The following DACH2 variants were observed in gnomAD, a reference collection of about 807,000 sequenced individuals.
DACH2 encodes the protein dachshund homolog 2.
DACH2 carries 17 observed loss-of-function variants against 35.8 expected under a neutral mutation model. The ratio of observed to expected loss-of-function variants is 0.48; its 90% CI spans 0.33 to 0.71. DACH2 has a LOEUF of 0.71. Ranked by LOEUF, DACH2 falls within the 30% of genes least tolerant of loss-of-function variation. The pLI is 0.02. For missense variants in DACH2, 469 were observed against 472.7 expected, an observed-to-expected ratio of 0.99 and a Z score of 0.07; for synonymous variants, 195 against 177.3, an observed-to-expected ratio of 1.10 and a Z score of -0.79.
intron 2 of DACH2, among the ~76,000 whole-genome samples, chrX:86,401,008 G>T (rs983547884): frequency 8.9e-6 from 1 of 112,457 alleles, no homozygotes; most frequent in African/African-American, 3.2e-5. Flanking sequence ...AGGCCTCCTT[G>T]AGCTGTGGTG....
chrX:86,418,064 A>C (rs756121167), intron 2 of DACH2, among the ~76,000 whole-genome samples: 2 of 111,812 alleles, frequency 1.8e-5, no homozygotes, highest in Non-Finnish European at 3.8e-5. Flanking sequence ...ATCTCATTTG[A>C]CTCCATGTCT....
intron 1 of DACH2, among the ~76,000 whole-genome samples, chrX:86,185,589 T>A (rs1452351706): frequency 9.0e-6 from 1 of 111,716 alleles, no homozygotes; most frequent in Non-Finnish European, 1.9e-5. Context: ...TTAGTTAATA[T>A]CAGTTTGCTG....
intron 7 of DACH2, among the ~76,000 whole-genome samples, chrX:86,810,070 G>A (rs2042380878): frequency 9.0e-6 from 1 of 111,558 alleles, no homozygotes; most frequent in South Asian, 3.7e-4. Context: ...CTTTAAAGAA[G>A]AGTAATACTA....
rs73247224 is a variant in DACH2 at position 86,692,909 on chromosome X, G to A, written c.773-2112G>A. 8.1e-4 allele frequency among the ~76,000 whole-genome samples: 91 copies of A among 111,863 alleles called. 1 individual carries two copies. Among genetic ancestry groups the A allele is most frequent in the South Asian group, 6.6e-3 (18 of 2,718 alleles). ...GTTTCTATAAAGAATTCTCAGTGTTGCAGTGGTTACTTTCATAGTTTATTA... is the reference window on the plus strand; with the variant it reads ...GTTTCTATAAAGAATTCTCAGTGTTACAGTGGTTACTTTCATAGTTTATTA... On this transcript the variant is annotated intron_variant, in intron 4 of 11. Transcript: ENST00000373125.
At chrX:86,294,641 C>G (rs973110027) in intron 1 of DACH2, among the ~76,000 whole-genome samples, 3 of 109,356 alleles carry the variant, frequency 2.7e-5, no homozygotes, top group Non-Finnish European at 5.7e-5. Flanking sequence ...TTCCTTCTAA[C>G]AGACAGGGCC....
chrX:86,551,348 C>T (rs907916090), intron 3 of DACH2, among the ~76,000 whole-genome samples: 1 of 111,928 alleles, frequency 8.9e-6, no homozygotes, highest in Non-Finnish European at 1.9e-5. Flanking sequence ...AATATTACAG[C>T]ATACCTAACT....
intron 1 of DACH2, among the ~76,000 whole-genome samples, chrX:86,270,166 A>T (rs1472745554): frequency 1.9e-5 from 2 of 107,964 alleles, no homozygotes; most frequent in Admixed American, 2.0e-4. Context: ...ACATTTCCAA[A>T]TGGATGTGTT....
chrX:86,405,475 T>A (rs774365018), intron 2 of DACH2, among the ~76,000 whole-genome samples: 28 of 111,796 alleles, frequency 2.5e-4, no homozygotes, highest in Non-Finnish European at 4.3e-4. Flanking sequence ...CATCTCCATC[T>A]GAGACCAACT....
chrX:86,504,647 C>G (rs1602589489), intron 2 of DACH2, among the ~76,000 whole-genome samples: 1 of 111,168 alleles, frequency 9.0e-6, no homozygotes, highest in East Asian at 2.8e-4. Flanking sequence ...CTTATGACAT[C>G]TAATTGCTCA....
intron 1 of DACH2, among the ~76,000 whole-genome samples, chrX:86,209,875 A>T (rs1277225628): frequency 9.0e-6 from 1 of 111,537 alleles, no homozygotes; most frequent in African/African-American, 3.2e-5. Flanking sequence ...CATCAAGGAA[A>T]AGACTATATC....
chrX:86,440,382 A>G (rs2037140322), intron 2 of DACH2, among the ~76,000 whole-genome samples: 1 of 111,593 alleles, frequency 9.0e-6, no homozygotes, highest in African/African-American at 3.3e-5. Flanking sequence ...TATTTCTGAT[A>G]AATTTCCTTA....
intron 3 of DACH2, among the ~76,000 whole-genome samples, chrX:86,587,886 G>T (rs1389088714): frequency 8.9e-6 from 1 of 111,743 alleles, no homozygotes; most frequent in East Asian, 2.8e-4. Flanking sequence ...GGTCCTACTT[G>T]TCAATTTTTG....
chrX:86,664,140 A>G (rs1181362508), intron 4 of DACH2, among the ~76,000 whole-genome samples: 1 of 112,134 alleles, frequency 8.9e-6, no homozygotes, highest in South Asian at 3.7e-4. Context: ...TGGGAGAAAC[A>G]TCAATGGAAC....
intron 3 of DACH2, among the ~76,000 whole-genome samples, chrX:86,624,808 T>G (rs1357534172): frequency 1.8e-5 from 2 of 111,616 alleles, no homozygotes; most frequent in Non-Finnish European, 3.8e-5. Context: ...TTCTCAAAGC[T>G]ACAAAAGATG....
chrX:86,627,447 A>T (rs1458081173), intron 3 of DACH2, among the ~76,000 whole-genome samples: 2 of 111,806 alleles, frequency 1.8e-5, no homozygotes, highest in Non-Finnish European at 3.8e-5. Context: ...ATAACTATAC[A>T]TTCCGATAGT....
intron 3 of DACH2, among the ~76,000 whole-genome samples, chrX:86,598,798 C>CTT (rs59857493): frequency 0.05 from 5,039 of 100,261 alleles, 315 homozygotes; most frequent in African/African-American, 0.17. Flanking sequence ...GTTTTCTTTT[C>CTT]TTTTTTTTTT....
intron 1 of DACH2, among the ~76,000 whole-genome samples, chrX:86,167,105 A>G (rs2030968787): frequency 9.0e-6 from 1 of 110,789 alleles, no homozygotes; most frequent in South Asian, 3.8e-4. Context: ...CTCCTCTTCT[A>G]TTTTTCGGAA....
At chrX:86,737,177 T>C (rs1185870263) in intron 6 of DACH2, among the ~76,000 whole-genome samples, 2 of 111,887 alleles carry the variant, frequency 1.8e-5, no homozygotes, top group African/African-American at 6.5e-5. Context: ...TCAGTACCCA[T>C]ATCATCCCTC....
intron 1 of DACH2, among the ~76,000 whole-genome samples, chrX:86,156,695 A>G (rs1438588095): frequency 2.7e-5 from 3 of 111,250 alleles, no homozygotes; most frequent in Non-Finnish European, 5.7e-5. Flanking sequence ...CTAAGACCAT[A>G]AAATGATTAT....
Sources: gnomAD v4.1 joint callset for allele counts (sites outside exome capture counted in the v4.1 genomes callset) on GRCh38, gnomAD v4.1.1 for gene constraint, MANE v1.5 for transcripts, NCBI Gene and HGNC (gene_info 2026-07-23, HGNC 2026-07-21) for gene names.